Variants in IFT56 observed in about 807,000 individuals in gnomAD.
The protein encoded by IFT56 is intraflagellar transport 56.
chr7:139,183,881 A>T, the IFT56 span, among the ~76,000 whole-genome samples: 2 of 152,200 alleles, frequency 1.3e-5, no homozygotes, highest in African/African-American at 4.8e-5. Context: ...CTGGAGACAA[A>T]GTCTTTCAGC....
At chr7:139,152,310 A>G in the IFT56 span, among the ~76,000 whole-genome samples, 3 of 152,108 alleles carry the variant, frequency 2.0e-5, no homozygotes, top group Non-Finnish European at 4.4e-5. Context: ...AATTTTCTGT[A>G]GAGATGGGGT....
the IFT56 span, among the ~76,000 whole-genome samples, chr7:139,182,171 A>G: frequency 1.3e-5 from 2 of 152,086 alleles, no homozygotes; most frequent in Admixed American, 1.3e-4. Flanking sequence ...AAAGATTAAG[A>G]TTTTTTTAAA....
chr7:139,164,406 T>C, the IFT56 span, among the ~76,000 whole-genome samples: 4 of 152,246 alleles, frequency 2.6e-5, no homozygotes, highest in African/African-American at 9.6e-5. Context: ...GTTTTGTTAA[T>C]TATTGGGTAC....
the IFT56 span, chr7:139,178,710 T>C: frequency 1.0e-4 from 97 of 935,518 alleles, no homozygotes; most frequent in Non-Finnish European, 4.9e-5. Context: ...ATTCCTCTGT[T>C]CTTAGGATGC....
the IFT56 span, among the ~76,000 whole-genome samples, chr7:139,161,504 G>A: frequency 3.3e-5 from 5 of 152,270 alleles, no homozygotes; most frequent in South Asian, 4.1e-4. Flanking sequence ...TGGGTTTAGG[G>A]CTAGATTATG....
the IFT56 span, among the ~76,000 whole-genome samples, chr7:139,148,789 T>G: frequency 6.9e-6 from 1 of 143,896 alleles, no homozygotes; most frequent in East Asian, 2.1e-4. Context: ...GGTGTGGTGG[T>G]GCATGCCTGT....
At chr7:139,182,464 TATTTCAGTTTTAG>T in the IFT56 span, among the ~76,000 whole-genome samples, 2 of 152,132 alleles carry the variant, frequency 1.3e-5, no homozygotes, top group Non-Finnish European at 2.9e-5. Flanking sequence ...GACAGGAAAT[TATTTCAGTTTTAG>T]ATGTATTAAA....
At chr7:139,174,156 A>G in the IFT56 span, 5 of 593,350 alleles carry the variant, frequency 8.4e-6, no homozygotes, top group African/African-American at 1.9e-5. Context: ...CATGAAGCAC[A>G]TGATCTTCAG....
chr7:139,169,979 A>G, the IFT56 span, among the ~76,000 whole-genome samples: 2 of 152,210 alleles, frequency 1.3e-5, no homozygotes, highest in Non-Finnish European at 1.5e-5. Context: ...ACACCACTGC[A>G]TTCCAGCCTG....
At chr7:139,171,969 G>A in the IFT56 span, among the ~76,000 whole-genome samples, 1 of 152,224 alleles carries the variant, frequency 6.6e-6, no homozygotes, top group East Asian at 1.9e-4. Context: ...GTTTCATAGA[G>A]AGGGAACTGT....
At chr7:139,170,010 A>T in the IFT56 span, among the ~76,000 whole-genome samples, 2 of 152,194 alleles carry the variant, frequency 1.3e-5, no homozygotes, top group Non-Finnish European at 2.9e-5. Context: ...TGAGACCGTC[A>T]TCTCAAATAT....
At chr7:139,160,317 G>A in the IFT56 span, among the ~76,000 whole-genome samples, 1 of 152,136 alleles carries the variant, frequency 6.6e-6, no homozygotes, top group East Asian at 1.9e-4. Flanking sequence ...AGTTGTTTAA[G>A]GCTTAGTTCG....
chr7:139,150,899 C>T, the IFT56 span, among the ~76,000 whole-genome samples: 3 of 152,216 alleles, frequency 2.0e-5, no homozygotes, highest in Admixed American at 2.0e-4. Context: ...GACTTAACCA[C>T]TAAAATGTCC....
chr7:139,139,231 C>A, the IFT56 span, among the ~76,000 whole-genome samples: 1 of 151,944 alleles, frequency 6.6e-6, no homozygotes, highest in African/African-American at 2.4e-5. Context: ...AACAAAGGAA[C>A]AAAGTTGGTG....
At chr7:139,156,148 G>C in the IFT56 span, among the ~76,000 whole-genome samples, 1 of 152,074 alleles carries the variant, frequency 6.6e-6, no homozygotes, top group African/African-American at 2.4e-5. Context: ...ATTGTTCACA[G>C]TATTCCTCTG....
the IFT56 span, among the ~76,000 whole-genome samples, chr7:139,135,175 A>T: frequency 6.8e-6 from 1 of 146,200 alleles, no homozygotes; most frequent in Non-Finnish European, 1.5e-5. Context: ...GCTACTCGGG[A>T]GGCTGAGGCT....
the IFT56 span, among the ~76,000 whole-genome samples, chr7:139,144,990 A>G: frequency 2.6e-5 from 4 of 152,090 alleles, no homozygotes; most frequent in Non-Finnish European, 5.9e-5. Context: ...TGGCTATTGT[A>G]TATTAAAATA....
At chr7:139,139,807 A>G in the IFT56 span, 1 of 848,828 alleles carries the variant, frequency 1.2e-6, no homozygotes, top group African/African-American at 1.7e-5. Context: ...TAATCTCAGT[A>G]TGAAATCCTA....
the IFT56 span, chr7:139,166,698 A>T: frequency 4.1e-6 from 2 of 490,558 alleles, no homozygotes; most frequent in Admixed American, 6.2e-5. Context: ...CTCAACACCG[A>T]ACATGGAGAG....
Sources: gnomAD v4.1 joint callset for allele counts (sites outside exome capture counted in the v4.1 genomes callset) on GRCh38, gnomAD v4.1.1 for gene constraint, MANE v1.5 for transcripts, NCBI Gene and HGNC (gene_info 2026-07-23, HGNC 2026-07-21) for gene names.